The following SRPK1 variants were observed in gnomAD, a reference collection of about 807,000 sequenced individuals.
SRPK1 encodes SRSF protein kinase 1.
Under a neutral mutation model 89.5 loss-of-function variants are expected in SRPK1, and 52 were observed. The ratio of observed to expected loss-of-function variants is 0.58; its 90% confidence interval spans 0.46 to 0.73. The LOEUF (loss-of-function observed/expected upper bound fraction) is 0.73. Among genes scored for constraint, SRPK1 ranks in the 30% least tolerant of loss-of-function variants. SRPK1 has a pLI of 0.00. For missense variants in SRPK1, 603 were observed against 780.6 expected (o/e 0.77, Z 2.71); for synonymous variants, 255 against 270.2 (o/e 0.94, Z 0.55).
chr6:35,844,506 A>G (rs1769386629), intron 13 of SRPK1, among the ~76,000 whole-genome samples: 1 of 152,148 alleles, frequency 6.6e-6, no homozygotes, highest in Admixed American at 6.5e-5. Context: ...CAGTTTCTGC[A>G]GTTTCATGAC....
At chr6:35,920,064 C>A (rs1430312973) in intron 2 of SRPK1, 1 of 459,786 alleles carries the variant, frequency 2.2e-6, no homozygotes, top group African/African-American at 2.0e-5. Flanking sequence ...TTAAGGCCTA[C>A]CGTGAAGACG....
At chr6:35,841,201 C>T (rs913362479) in intron 14 of SRPK1, among the ~76,000 whole-genome samples, 1 of 152,114 alleles carries the variant, frequency 6.6e-6, no homozygotes, top group African/African-American at 2.4e-5. Flanking sequence ...ATTATAGTAT[C>T]CTCTAACATG....
chr6:35,918,374 G>A (rs958782219), intron 2 of SRPK1, among the ~76,000 whole-genome samples: 41 of 151,904 alleles, frequency 2.7e-4, no homozygotes, highest in Non-Finnish European at 3.7e-4. Context: ...AGTGGCACAC[G>A]CCTGTAGTCC....
chr6:35,880,742 A>AAAAAAAAAAAAAAAAAAAAATAAAGAAAG, intron 6 of SRPK1, among the ~76,000 whole-genome samples: 1 of 28,194 alleles, frequency 3.5e-5, no homozygotes, highest in Admixed American at 3.4e-4. Flanking sequence ...AAAGAAAAAA[A>AAAAAAAAAAAAAAAAAAAAATAAAGAAAG]AAAAAAAAGA....
At chr6:35,889,786 A>AAAAC (rs775281930) in intron 3 of SRPK1, among the ~76,000 whole-genome samples, 6 of 149,958 alleles carry the variant, frequency 4.0e-5, no homozygotes, top group Non-Finnish European at 7.4e-5. Context: ...TCTGTCTCAA[A>AAAAC]AAACAAACAA....
intron 6 of SRPK1, among the ~76,000 whole-genome samples, chr6:35,879,253 A>G (rs763633138): frequency 1.3e-5 from 2 of 151,936 alleles, no homozygotes; most frequent in East Asian, 1.9e-4. Flanking sequence ...AACAAATACA[A>G]AAACAAAACA....
At chr6:35,873,405 G>A (rs1325436977) in intron 7 of SRPK1, among the ~76,000 whole-genome samples, 1 of 152,054 alleles carries the variant, frequency 6.6e-6, no homozygotes, top group African/African-American at 2.4e-5. Context: ...CAAACCTGGG[G>A]GAAAATGGTT....
At chr6:35,900,274 A>G in intron 2 of SRPK1, among the ~76,000 whole-genome samples, 1 of 152,178 alleles carries the variant, frequency 6.6e-6, no homozygotes, top group South Asian at 2.1e-4. Flanking sequence ...TGCCTACCTC[A>G]TAGGGCATTT....
chr6:35,876,458 G>A (rs1770159678), intron 6 of SRPK1, among the ~76,000 whole-genome samples: 2 of 152,220 alleles, frequency 1.3e-5, no homozygotes, highest in South Asian at 2.1e-4. Flanking sequence ...TGGGCAACAA[G>A]GTGAAACCCT....
In SRPK1 at chr6:35,833,949, C is replaced by T. The variant is rs570451615; in HGVS notation, c.*1355G>A. The T allele has an allele frequency of 7.7e-5, 10 of 130,392 alleles. No homozygotes were observed. The highest frequency in any genetic ancestry group is 1.2e-4 in the African/African-American group (4 of 34,506). The allele number at this position is 130,392 out of a possible 1,614,324, so 8.1% of individuals were successfully genotyped here. On this transcript the variant is annotated 3_prime_UTR_variant, in exon 16 of 16. Transcript: ENST00000373825. ...ACCCCAATCCTGCCTCTCTTTTGCT[C>T]TTCAGTATTACTTACTGGAGGAATA...
chr6:35,838,437 T>C lies in SRPK1; in HGVS notation c.1691-8A>G, dbSNP rs751256842. ...TGATCAATGCAATGTGATCTGTATA[T>C]TTCAAACATTTCAAGAGGGGGGAAA... On this transcript the variant is annotated splice_region_variant and splice_polypyrimidine_tract_variant and intron_variant, in intron 14 of 15. Transcript: ENST00000373825. 1.3e-6 allele frequency: 2 copies of C among 1,566,970 alleles called. No individual in the cohort carries two copies. Among genetic ancestry groups the C allele is most frequent in the East Asian group, 2.2e-5 (1 of 44,484 alleles).
At chr6:35,866,813 T>G (rs955698690) in intron 12 of SRPK1, among the ~76,000 whole-genome samples, 1 of 152,134 alleles carries the variant, frequency 6.6e-6, no homozygotes, top group Non-Finnish European at 1.5e-5. Context: ...TGGTATGGAA[T>G]GAACACAATA....
chr6:35,853,052 C>T (rs1769588323), intron 13 of SRPK1, among the ~76,000 whole-genome samples: 1 of 152,082 alleles, frequency 6.6e-6, no homozygotes, highest in Non-Finnish European at 1.5e-5. Context: ...CCAGTCTGTG[C>T]AACATAGCAA....
intron 1 of SRPK1, 80 bp from the exon 2 acceptor site, chr6:35,920,608 C>A: frequency 7.6e-7 from 1 of 1,316,846 alleles, no homozygotes; most frequent in Non-Finnish European, 1.0e-6. Flanking sequence ...CCAGCAGGGG[C>A]GCCAGGCCCG....
chr6:35,907,636 C>T lies in SRPK1; in HGVS notation c.74+12832G>A, dbSNP rs1368747264. On this transcript the variant is annotated intron_variant, in intron 2 of 15. Coordinates refer to ENST00000373825, the MANE Select transcript of SRPK1 (RefSeq NM_003137.5). ...AGGAGAATCACTTGAACCCGGGAGGCGGGGGTTGCAGTGAGCCGAGATTGC... is the reference window on the plus strand; with the variant it reads ...AGGAGAATCACTTGAACCCGGGAGGTGGGGGTTGCAGTGAGCCGAGATTGC... Among the ~76,000 whole-genome samples the T allele has an allele frequency of 5.3e-5, 8 of 151,734 alleles. No homozygotes were observed. In the South Asian group the frequency reaches 1.2e-3, roughly 24 times the overall value.
chr6:35,889,041 C>A (rs1770465620), intron 3 of SRPK1, 118 bp from the exon 4 acceptor site: 3 of 612,124 alleles, frequency 4.9e-6, no homozygotes, highest in Non-Finnish European at 8.7e-6. Flanking sequence ...TAAAAAGTTT[C>A]TTTTATACAA....
At chr6:35,873,882 A>G (rs1037619860) in intron 7 of SRPK1, among the ~76,000 whole-genome samples, 97 of 149,736 alleles carry the variant, frequency 6.5e-4, no homozygotes, top group Non-Finnish European at 1.3e-3. Flanking sequence ...GCTGGAGTGC[A>G]GTGGTGTGAT....
intron 6 of SRPK1, among the ~76,000 whole-genome samples, chr6:35,882,248 G>C (rs936826995): frequency 1.3e-5 from 2 of 148,624 alleles, no homozygotes; most frequent in African/African-American, 5.0e-5. Context: ...AGAGAAACTT[G>C]TGACTAAGAA....
At chr6:35,902,321 G>A (rs1327218848) in intron 2 of SRPK1, among the ~76,000 whole-genome samples, 1 of 152,026 alleles carries the variant, frequency 6.6e-6, no homozygotes, top group Non-Finnish European at 1.5e-5. Flanking sequence ...GCAGAGGCAG[G>A]AGGATCCCTT....
Sources: allele counts gnomAD v4.1 joint callset (sites outside exome capture counted in the v4.1 genomes callset), GRCh38; gene constraint gnomAD v4.1.1; transcripts MANE v1.5; gene names NCBI Gene and HGNC (gene_info 2026-07-23, HGNC 2026-07-21).